Variants in ATP9A observed in about 807,000 individuals in gnomAD.
The protein encoded by ATP9A is probable phospholipid-transporting ATPase IIA.
Under a neutral mutation model 144.1 loss-of-function variants are expected in ATP9A, and 52 were observed. The observed-to-expected ratio is 0.36, with a 90% CI of 0.29 to 0.45. The LOEUF (loss-of-function observed/expected upper bound fraction) is 0.45, where lower values mean the gene tolerates loss of function less well. Among genes scored for constraint, ATP9A ranks in the 20% least tolerant of loss-of-function variants. ATP9A has a pLI of 1.00. For missense variants in ATP9A, 947 were observed against 1,392.7 expected, an observed-to-expected ratio of 0.68 and a Z score of 5.09; for synonymous variants, 582 against 557.4, an observed-to-expected ratio of 1.04 and a Z score of -0.62.
intron 1 of ATP9A, among the ~76,000 whole-genome samples, chr20:51,744,586 A>G (rs767125081): frequency 3.3e-5 from 5 of 152,268 alleles, no homozygotes; most frequent in Non-Finnish European, 7.3e-5. Flanking sequence ...AATCTGGCTG[A>G]AATGCAAAAG....
At chr20:51,607,974 G>A (rs2077170129) in intron 25 of ATP9A, among the ~76,000 whole-genome samples, 1 of 151,016 alleles carries the variant, frequency 6.6e-6, no homozygotes, top group South Asian at 2.1e-4. Context: ...AACCCAGGAG[G>A]TGGATGTTGT....
chr20:51,651,230 TTATTTACATAATATA>T (rs1434010284), intron 14 of ATP9A, among the ~76,000 whole-genome samples: 1 of 143,256 alleles, frequency 7.0e-6, no homozygotes, highest in Non-Finnish European at 1.5e-5. Flanking sequence ...ATTTAAATTA[TTATTTACATAATATA>T]TATTTACATA....
Position 51,624,066 on chromosome 20 carries a change from C to A in ATP9A, c.2016+1126G>T, listed in dbSNP as rs545820181. Among the ~76,000 whole-genome samples, 3 of 152,356 alleles carry A rather than the reference C, an allele frequency of 2.0e-5. No individual in the cohort carries two copies. The South Asian group carries it at 6.2e-4, about 32-fold the overall frequency. On this transcript the variant is annotated intron_variant, in intron 18 of 27. Coordinates refer to ENST00000338821, the MANE Select transcript of ATP9A (RefSeq NM_006045.3). ...AGTCTTAGGAATGGCCAGGGCCCCA[C>A]TGCAGACCCCACGATGAAGCAGAAA...
intron 13 of ATP9A, among the ~76,000 whole-genome samples, chr20:51,661,494 C>A (rs1001110721): frequency 6.7e-6 from 1 of 149,994 alleles, no homozygotes; most frequent in Non-Finnish European, 1.5e-5. Flanking sequence ...CTTCTGAATA[C>A]CGGGACCACA....
chr20:51,706,935 C>A (rs2077616939), intron 4 of ATP9A, among the ~76,000 whole-genome samples: 1 of 152,128 alleles, frequency 6.6e-6, no homozygotes. Flanking sequence ...AACACAGAAT[C>A]AACCCTTCCA....
intron 2 of ATP9A, among the ~76,000 whole-genome samples, chr20:51,729,541 T>C (rs539715594): frequency 8.4e-4 from 127 of 152,086 alleles, no homozygotes; most frequent in Non-Finnish European, 2.1e-4. Context: ...TGTCAGGAGT[T>C]CAAGACCGGC....
chr20:51,662,845 C>G (rs533804139), intron 13 of ATP9A, among the ~76,000 whole-genome samples: 1 of 151,614 alleles, frequency 6.6e-6, no homozygotes, highest in Non-Finnish European at 1.5e-5. Context: ...CTGAGGCGGG[C>G]GGATCACCTG....
chr20:51,605,930 T>C (rs966690573), intron 26 of ATP9A, among the ~76,000 whole-genome samples: 1 of 137,568 alleles, frequency 7.3e-6, no homozygotes, highest in Non-Finnish European at 1.6e-5. Flanking sequence ...AAAAAAAGAA[T>C]AAACCCCAAT....
rs1291550466 is a variant in ATP9A, at chr20:51,690,613, C to A, written c.723+126G>T. 5 of 781,628 alleles carry A rather than the reference C, an allele frequency of 6.4e-6. No homozygotes were observed. In the Admixed American group the frequency reaches 6.5e-5, roughly 10 times the overall value. 48.4% of individuals were successfully genotyped at this position (781,628 alleles called of 1,614,324 possible). On this transcript the variant is annotated intron_variant, in intron 8 of 27. Coordinates refer to ENST00000338821, the MANE Select transcript of ATP9A (RefSeq NM_006045.3). ...CAATACGCTGGCTTTCAAGGCGGTG[C>A]CTTCTTTATGTCCCCACCTGGCATG...
intron 3 of ATP9A, among the ~76,000 whole-genome samples, chr20:51,721,909 T>C (rs763799545): frequency 6.6e-6 from 1 of 151,924 alleles, no homozygotes; most frequent in Non-Finnish European, 1.5e-5. Flanking sequence ...AGAACAAATC[T>C]GGAGGTATCA....
At chr20:51,633,269 T>C (rs2077277053) in intron 15 of ATP9A, among the ~76,000 whole-genome samples, 1 of 137,002 alleles carries the variant, frequency 7.3e-6, no homozygotes, top group Non-Finnish European at 1.7e-5. Flanking sequence ...CAGATTTTAA[T>C]AATACGAAAA....
chr20:51,656,878 T>A, intron 14 of ATP9A, 60 bp downstream of exon 14: 1 of 1,513,430 alleles, frequency 6.6e-7, no homozygotes, highest in East Asian at 2.4e-5. Context: ...AACGCCTAAT[T>A]CCAGCACAGA....
intron 1 of ATP9A, among the ~76,000 whole-genome samples, chr20:51,749,960 G>A (rs1008535442): frequency 6.6e-6 from 1 of 151,954 alleles, no homozygotes; most frequent in East Asian, 1.9e-4. Flanking sequence ...GGGCAACATG[G>A]TGAAACCCTG....
intron 21 of ATP9A, among the ~76,000 whole-genome samples, chr20:51,618,092 C>T (rs752781485): frequency 2.0e-5 from 3 of 151,970 alleles, no homozygotes; most frequent in Non-Finnish European, 4.4e-5. Context: ...TGGTGGTGCA[C>T]GCCTGCAGTC....
intron 1 of ATP9A, among the ~76,000 whole-genome samples, chr20:51,764,489 C>T (rs1216242634): frequency 6.6e-6 from 1 of 152,202 alleles, no homozygotes; most frequent in African/African-American, 2.4e-5. Context: ...ATAAGCTGCA[C>T]GTCTTCGCAA....
chr20:51,645,462 G>A (rs1416544903), intron 14 of ATP9A, among the ~76,000 whole-genome samples: 2 of 152,140 alleles, frequency 1.3e-5, no homozygotes, highest in East Asian at 3.9e-4. Flanking sequence ...GGAGTTTGCA[G>A]TGAGCCAAGA....
intron 9 of ATP9A, among the ~76,000 whole-genome samples, chr20:51,679,587 G>A (rs1211141301): frequency 6.6e-6 from 1 of 152,062 alleles, no homozygotes; most frequent in Non-Finnish European, 1.5e-5. Context: ...TGTCACCTCT[G>A]CAGCCCCTCC....
At chr20:51,677,194 A>G (rs997705924) in intron 9 of ATP9A, among the ~76,000 whole-genome samples, 1 of 151,884 alleles carries the variant, frequency 6.6e-6, no homozygotes, top group Non-Finnish European at 1.5e-5. Context: ...TTGGCCTCCC[A>G]AAGTGCTTGG....
intron 15 of ATP9A, among the ~76,000 whole-genome samples, chr20:51,631,456 G>A (rs1177559184): frequency 6.6e-6 from 1 of 152,126 alleles, no homozygotes; most frequent in African/African-American, 2.4e-5. Context: ...TGTAGGAAAT[G>A]ATGCTCCCAG....
Sources: gnomAD v4.1 joint callset for allele counts (sites outside exome capture counted in the v4.1 genomes callset) on GRCh38, gnomAD v4.1.1 for gene constraint, MANE v1.5 for transcripts, NCBI Gene and HGNC (gene_info 2026-07-23, HGNC 2026-07-21) for gene names.